Variants in CA10 observed in about 807,000 individuals in gnomAD.
CA10 encodes carbonic anhydrase 10 (inactive).
Under a neutral mutation model 44.2 loss-of-function variants are expected in CA10, and 14 were observed. The ratio of observed to expected loss-of-function variants is 0.32; its 90% CI spans 0.21 to 0.50. The LOEUF (loss-of-function observed/expected upper bound fraction) is 0.50. CA10 is among the 20% of genes least tolerant of loss of function. The pLI, the probability that CA10 is intolerant of heterozygous loss-of-function variation, is 0.99. For missense variants in CA10, 350 were observed against 409.7 expected, an observed-to-expected ratio of 0.85 and a Z score of 1.26; for synonymous variants, 159 against 141.6, an observed-to-expected ratio of 1.12 and a Z score of -0.87.
chr17:51,736,733 C>G (rs921926887), intron 4 of CA10, among the ~76,000 whole-genome samples: 2 of 152,148 alleles, frequency 1.3e-5, no homozygotes, highest in Non-Finnish European at 2.9e-5. Flanking sequence ...CAAATTTACA[C>G]ACATAAAATG....
chr17:52,152,684 A>T (rs889503459), intron 1 of CA10, among the ~76,000 whole-genome samples: 6 of 152,130 alleles, frequency 3.9e-5, no homozygotes, highest in Non-Finnish European at 5.9e-5. Flanking sequence ...ATCATTCTAA[A>T]CTATGTGTAT....
chr17:51,820,276 T>C (rs1478054235), intron 3 of CA10, among the ~76,000 whole-genome samples: 3 of 147,152 alleles, frequency 2.0e-5, no homozygotes, highest in South Asian at 2.2e-4. Context: ...TGCGTTCTTT[T>C]CTTGTGCATG....
chr17:52,092,469 T>C (rs1319813452), intron 1 of CA10, among the ~76,000 whole-genome samples: 1 of 152,180 alleles, frequency 6.6e-6, no homozygotes, highest in African/African-American at 2.4e-5. Context: ...TGAGTCCCCG[T>C]GGACCCCGGA....
chr17:52,156,006 C>T (rs148186799), intron 1 of CA10, among the ~76,000 whole-genome samples: 6 of 152,018 alleles, frequency 3.9e-5, no homozygotes, highest in Admixed American at 6.6e-5. Context: ...GATTGCCTGG[C>T]GAAATTCAGG....
intron 3 of CA10, among the ~76,000 whole-genome samples, chr17:51,748,935 G>T (rs1904799498): frequency 6.6e-6 from 1 of 152,162 alleles, no homozygotes; most frequent in African/African-American, 2.4e-5. Flanking sequence ...AAATATTCCA[G>T]TGACTCATTT....
chr17:51,909,260 G>A (rs564631719), intron 3 of CA10, among the ~76,000 whole-genome samples: 3 of 152,244 alleles, frequency 2.0e-5, no homozygotes, highest in African/African-American at 4.8e-5. Context: ...ATGACTGGAT[G>A]TCATCCCTGG....
intron 3 of CA10, among the ~76,000 whole-genome samples, chr17:51,751,283 T>C (rs1002991929): frequency 5.3e-5 from 8 of 151,738 alleles, no homozygotes; most frequent in Admixed American, 2.0e-4. Flanking sequence ...GAAGAGAGAG[T>C]TAGTATTTAA....
chr17:51,736,761 A>G (rs1420717773), intron 4 of CA10, among the ~76,000 whole-genome samples: 1 of 152,146 alleles, frequency 6.6e-6, no homozygotes, highest in African/African-American at 2.4e-5. Flanking sequence ...TGTTATAAAG[A>G]AGAGAGAAAA....
At chr17:51,990,238 A>C (rs1041315656) in intron 2 of CA10, among the ~76,000 whole-genome samples, 2 of 152,136 alleles carry the variant, frequency 1.3e-5, no homozygotes, top group African/African-American at 4.8e-5. Context: ...TCCAGGTCCA[A>C]TTGCCCCAGA....
chr17:52,003,944 A>C (rs7350962), intron 2 of CA10, among the ~76,000 whole-genome samples: 55,895 of 151,656 alleles, frequency 0.37, 12,289 homozygotes, highest in East Asian at 0.74. Context: ...TAAAACAAAA[A>C]AAAAAAAACC....
chr17:52,090,977 T>C (rs879672351), intron 1 of CA10, among the ~76,000 whole-genome samples: 4 of 152,218 alleles, frequency 2.6e-5, no homozygotes, highest in Admixed American at 1.3e-4. Context: ...AACTTACAAA[T>C]AACAGGATTT....
At chr17:52,075,438 C>A (rs972744749) in intron 1 of CA10, among the ~76,000 whole-genome samples, 29 of 152,140 alleles carry the variant, frequency 1.9e-4, no homozygotes, top group Non-Finnish European at 3.7e-4. Context: ...TCTTGATTTA[C>A]ATGATCTTTG....
At chr17:51,689,410 C>A (rs35540670) in intron 4 of CA10, among the ~76,000 whole-genome samples, 1 of 152,064 alleles carries the variant, frequency 6.6e-6, no homozygotes, top group Non-Finnish European at 1.5e-5. Flanking sequence ...GCATCAAACA[C>A]GCCCAATGAT....
chr17:52,025,225 A>C (rs749785007), intron 2 of CA10, among the ~76,000 whole-genome samples: 1 of 152,114 alleles, frequency 6.6e-6, no homozygotes, highest in Non-Finnish European at 1.5e-5. Context: ...TATCTGATTG[A>C]ACTGGCTGAG....
intron 3 of CA10, among the ~76,000 whole-genome samples, chr17:51,783,347 A>G (rs1446396939): frequency 6.6e-6 from 1 of 152,238 alleles, no homozygotes; most frequent in Non-Finnish European, 1.5e-5. Flanking sequence ...CTGATTAATG[A>G]ATTAATTACA....
intron 2 of CA10, among the ~76,000 whole-genome samples, chr17:51,984,208 C>T (rs1225261467): frequency 6.6e-6 from 1 of 151,404 alleles, no homozygotes; most frequent in African/African-American, 2.4e-5. Context: ...AAAACAAACA[C>T]AAATAAGAAG....
intron 3 of CA10, among the ~76,000 whole-genome samples, chr17:51,830,365 TCTCA>T (rs1313849110): frequency 2.0e-5 from 3 of 152,110 alleles, no homozygotes; most frequent in Non-Finnish European, 2.9e-5. Flanking sequence ...TTGTTCTCTC[TCTCA>T]ATCTCTTTTT....
intron 2 of CA10, among the ~76,000 whole-genome samples, chr17:51,986,481 CA>C (rs1984840083): frequency 6.6e-6 from 1 of 151,150 alleles, no homozygotes; most frequent in Non-Finnish European, 1.5e-5. Context: ...AAAGCAAAGG[CA>C]AGAAAAGAAA....
At chr17:51,898,533 CTGTT>C (rs1436934138) in intron 3 of CA10, among the ~76,000 whole-genome samples, 1 of 151,910 alleles carries the variant, frequency 6.6e-6, no homozygotes, top group African/African-American at 2.4e-5. Flanking sequence ...GTGCCTCTTC[CTGTT>C]TGTTTGGTCA....
Sources: allele counts gnomAD v4.1 joint callset (sites outside exome capture counted in the v4.1 genomes callset), GRCh38; gene constraint gnomAD v4.1.1; transcripts MANE v1.5; gene names NCBI Gene and HGNC (gene_info 2026-07-23, HGNC 2026-07-21).